The following PEX7 variants were observed in gnomAD, a reference collection of about 807,000 sequenced individuals.
PEX7 encodes the protein peroxisomal biogenesis factor 7.
A neutral mutation model predicts 47.5 loss-of-function variants in PEX7; 34 were observed. The ratio of observed to expected loss-of-function variants is 0.72; its 90% CI spans 0.54 to 0.95. The LOEUF (loss-of-function observed/expected upper bound fraction) is 0.95, where lower values mean the gene tolerates loss of function less well. Among genes scored for constraint, PEX7 ranks in the 40% least tolerant of loss-of-function variants. The pLI is 0.00. For missense variants in PEX7, 394 were observed against 400.3 expected (o/e 0.98, Z 0.13); for synonymous variants, 141 against 148.8 (o/e 0.95, Z 0.38).
chr6:136,908,314 A>T (rs548428407), intron 9 of PEX7, among the ~76,000 whole-genome samples: 1 of 152,250 alleles, frequency 6.6e-6, no homozygotes, highest in South Asian at 2.1e-4. Context: ...AATAGAACTT[A>T]TATGGCATCT....
At chr6:136,846,590 G>A (rs1013525480) in intron 5 of PEX7, among the ~76,000 whole-genome samples, 7 of 152,066 alleles carry the variant, frequency 4.6e-5, no homozygotes, top group Middle Eastern at 3.4e-3. Flanking sequence ...GAGAACATGC[G>A]GTGTTTGGTT....
chr6:136,898,257 T>G lies in PEX7; in HGVS notation c.903+16T>G. 1 of 1,417,296 alleles carries G rather than the reference T, an allele frequency of 7.1e-7. No homozygotes were observed. Among genetic ancestry groups the G allele is most frequent in the Non-Finnish European group, 1.0e-6 (1 of 1,000,486 alleles). 87.8% of individuals were successfully genotyped at this position (1,417,296 alleles called of 1,614,324 possible). A position where few individuals can be genotyped will look rare whatever the true frequency, so the allele number is the denominator to read the frequency against. On this transcript the variant is annotated intron_variant, in intron 9 of 9. Coordinates refer to ENST00000318471, the MANE Select transcript of PEX7 (RefSeq NM_000288.4). ...CCCCACTCAGGTAACGGATACAATC[T>G]CATGATATTCTCTTCTGCCCAAGTT...
intron 9 of PEX7, chr6:136,901,356 TGA>T (rs1775750851): frequency 6.6e-6 from 1 of 152,232 alleles, no homozygotes; most frequent in Non-Finnish European, 1.5e-5. Flanking sequence ...CACAATTCTG[TGA>T]GTCAGCAATT....
intron 9 of PEX7, among the ~76,000 whole-genome samples, chr6:136,904,155 T>G (rs1205050551): frequency 6.6e-6 from 1 of 152,210 alleles, no homozygotes; most frequent in African/African-American, 2.4e-5. Context: ...CCTGTTCACC[T>G]TTTATGTCAG....
At chr6:136,872,171 G>GTTTTTTTTTTT in intron 7 of PEX7, 27 bp from the exon 8 acceptor site, 1 of 1,394,348 alleles carries the variant, frequency 7.2e-7, no homozygotes, top group African/African-American at 1.5e-5. Context: ...TTCAAAAAGG[G>GTTTTTTTTTTT]TTTTTTTTTT....
intron 3 of PEX7, among the ~76,000 whole-genome samples, chr6:136,839,376 C>T (rs185329679): frequency 6.6e-6 from 1 of 152,238 alleles, no homozygotes; most frequent in African/African-American, 2.4e-5. Flanking sequence ...CAATGCTTTA[C>T]AGTAGATTAA....
intron 5 of PEX7, among the ~76,000 whole-genome samples, chr6:136,859,045 G>A (rs1774912975): frequency 6.6e-6 from 1 of 152,190 alleles, no homozygotes; most frequent in African/African-American, 2.4e-5. Flanking sequence ...TTGCACACAT[G>A]TAGTTAAGTA....
chr6:136,872,338 C>A (rs1775198589), intron 8 of PEX7, 85 bp downstream of exon 8: 6 of 942,632 alleles, frequency 6.4e-6, no homozygotes, highest in Non-Finnish European at 1.0e-5. Flanking sequence ...AATATGATTA[C>A]TCTTACTAAC....
intron 9 of PEX7, among the ~76,000 whole-genome samples, chr6:136,906,045 T>C (rs1775839676): frequency 2.0e-5 from 3 of 152,186 alleles, no homozygotes; most frequent in Non-Finnish European, 4.4e-5. Context: ...TGCAACAATC[T>C]CAAACCTGGT....
At chr6:136,866,584 C>T (rs781744172) in intron 5 of PEX7, 43 bp from the exon 6 acceptor site, 15 of 1,489,676 alleles carry the variant, frequency 1.0e-5, no homozygotes, top group Non-Finnish European at 1.4e-5. Flanking sequence ...ACTGCACATT[C>T]AAGTGGTGTG....
At chr6:136,871,411 T>G (rs1465266297) in intron 7 of PEX7, among the ~76,000 whole-genome samples, 1 of 152,204 alleles carries the variant, frequency 6.6e-6, no homozygotes, top group Non-Finnish European at 1.5e-5. Flanking sequence ...TTAAGGGTGT[T>G]TTTATTTAAC....
At chr6:136,886,696 A>C (rs561830852) in intron 8 of PEX7, among the ~76,000 whole-genome samples, 1 of 152,128 alleles carries the variant, frequency 6.6e-6, no homozygotes, top group African/African-American at 2.4e-5. Context: ...AATATGGTGC[A>C]GCATGAACCA....
In PEX7 at chr6:136,869,935, G is replaced by A. The variant is rs781145233; in HGVS notation, c.679G>A (p.Asp227Asn). Residue 227 changes from aspartate (D) to asparagine (N), a missense_variant, in exon 7 of 10, where the codon GAC becomes AAC. Asp to Asn is a conservative substitution (Grantham distance 23, BLOSUM62 1). Transcript: ENST00000318471. ...GAVDCSLRGW[D>N]LRNVRQPVFE... ...GGTTGACTGTAGTTTGAGAGGCTGGGACTTAAGGAATGTACGACAACCAGT... is the reference window on the plus strand; with the variant it reads ...GGTTGACTGTAGTTTGAGAGGCTGGAACTTAAGGAATGTACGACAACCAGT... The A allele has an allele frequency of 6.2e-7, 1 of 1,614,076 alleles. No individual in the cohort carries two copies. Among genetic ancestry groups the A allele is most frequent in the Admixed American group, 1.7e-5 (1 of 60,014 alleles).
At chr6:136,906,095 G>A (rs1266071804) in intron 9 of PEX7, among the ~76,000 whole-genome samples, 2 of 152,102 alleles carry the variant, frequency 1.3e-5, no homozygotes, top group African/African-American at 4.8e-5. Flanking sequence ...TCTCCATGTT[G>A]CCTCCAGGGA....
chr6:136,882,730 C>G (rs368210894), intron 8 of PEX7, among the ~76,000 whole-genome samples: 10 of 152,244 alleles, frequency 6.6e-5, no homozygotes, highest in South Asian at 4.1e-4. Context: ...GTGAAGTGAC[C>G]TGTTCTCCCC....
intron 3 of PEX7, among the ~76,000 whole-genome samples, chr6:136,833,482 G>A (rs6570104): frequency 0.7 from 107,139 of 152,136 alleles, 39,332 homozygotes; most frequent in African/African-American, 0.93. Flanking sequence ...TTATGTTTAA[G>A]ACTACACAAC....
intron 3 of PEX7, among the ~76,000 whole-genome samples, chr6:136,843,761 T>C (rs543476626): frequency 6.6e-6 from 1 of 152,300 alleles, no homozygotes; most frequent in Non-Finnish European, 1.5e-5. Flanking sequence ...CTGGCCCTTC[T>C]ATTCCTTTTA....
Position 136,913,475 on chromosome 6 carries a change from G to A in PEX7, c.921G>A (p.Trp307Ter). 1 of 1,611,730 alleles carries A rather than the reference G, an allele frequency of 6.2e-7. No individual in the cohort carries two copies. The highest frequency in any genetic ancestry group is 1.1e-5 in the South Asian group (1 of 91,008). ...QSPTQVADCS[W>*]DETIKIYDPA... ...TTTTCTAGGTGGCTGACTGTTCTTG[G>A]GATGAAACAATAAAGATCTATGACC... Residue 307 changes from tryptophan (W) to a stop codon, truncating the protein, a stop_gained, in exon 10 of 10, where the codon TGG (tryptophan) becomes TGA (stop). Coordinates refer to ENST00000318471, the MANE Select transcript of PEX7 (RefSeq NM_000288.4). LOFTEE classifies it high-confidence loss of function.
At position 136,845,786 on chromosome 6, in the gene PEX7, C is replaced by G. The variant is rs1196992604; in HGVS notation, c.417+94C>G. 8.3e-6 allele frequency: 7 copies of G among 842,632 alleles called. No homozygotes were observed. The East Asian group carries it at 1.7e-4, about 21-fold the overall frequency. The allele number at this position is 842,632 out of a possible 1,614,324, so 52.2% of individuals were successfully genotyped here. On this transcript the variant is annotated intron_variant, in intron 4 of 9. Coordinates refer to ENST00000318471, the MANE Select transcript of PEX7 (RefSeq NM_000288.4). ...CTTTTTCCAACATACTTCTGTAGCT[C>G]TATGATTCGACAGCTGAGCTTTCTT...
Sources: allele counts gnomAD v4.1 joint callset (sites outside exome capture counted in the v4.1 genomes callset), GRCh38; gene constraint gnomAD v4.1.1; transcripts MANE v1.5; gene names NCBI Gene and HGNC (gene_info 2026-07-23, HGNC 2026-07-21).